Variants in JAK2 observed in about 807,000 individuals in gnomAD.
The protein encoded by JAK2 is tyrosine-protein kinase JAK2.
JAK2 carries 86 observed loss-of-function variants against 139.3 expected under a neutral mutation model. The ratio of observed to expected loss-of-function variants is 0.62; its 90% CI spans 0.52 to 0.74. The LOEUF is 0.74. Ranked by LOEUF, JAK2 falls within the 30% of genes least tolerant of loss-of-function variation. JAK2 has a pLI of 0.00. For synonymous variants in JAK2, 490 were observed against 437.7 expected (o/e 1.12, Z -1.49); for missense variants, 1,421 against 1,360.3 (o/e 1.04, Z -0.70).
intron 2 of JAK2, among the ~76,000 whole-genome samples, chr9:4,991,858 G>T (rs1247872617): frequency 6.6e-6 from 1 of 151,962 alleles, no homozygotes. Context: ...GCCTTCAAGG[G>T]CTTTACCATT....
chr9:4,989,757 T>C (rs1171891600), intron 2 of JAK2, among the ~76,000 whole-genome samples: 2 of 152,178 alleles, frequency 1.3e-5, no homozygotes, highest in African/African-American at 4.8e-5. Flanking sequence ...AGGCAAAATA[T>C]GTATATATGT....
rs145897415 is a variant in JAK2 at position 4,990,416 on chromosome 9, G to A, written c.-26+4394G>A. Among the ~76,000 whole-genome samples the A allele has an allele frequency of 4.2e-3, 647 of 152,298 alleles. 4 individuals carry two copies. The highest frequency in any genetic ancestry group is 0.015 in the African/African-American group (618 of 41,558). On this transcript the variant is annotated intron_variant, in intron 2 of 24. Transcript: ENST00000381652. ...GTAGAGGGGATGTAGACAGTTGAGC[G>A]TATATTGTGGATATGTTGAGTTTGC... is the stretch of plus-strand genomic sequence containing the variant.
intron 3 of JAK2, among the ~76,000 whole-genome samples, chr9:5,026,059 C>T (rs1347111301): frequency 6.6e-6 from 1 of 152,128 alleles, no homozygotes; most frequent in Non-Finnish European, 1.5e-5. Flanking sequence ...AAAGAATCAT[C>T]TTTTATTTTG....
At chr9:5,109,017 T>G (rs1456747925) in intron 22 of JAK2, 2 of 152,116 alleles carry the variant, frequency 1.3e-5, no homozygotes, top group Non-Finnish European at 2.9e-5. Flanking sequence ...ATCTCACTAA[T>G]CTTGCCTTAC....
At chr9:5,107,264 C>T (rs1306674110) in intron 22 of JAK2, among the ~76,000 whole-genome samples, 1 of 152,040 alleles carries the variant, frequency 6.6e-6, no homozygotes, top group African/African-American at 2.4e-5. Context: ...ACCTTACTGG[C>T]CCTACTACTA....
chr9:5,042,526 A>C (rs62541544), intron 4 of JAK2, among the ~76,000 whole-genome samples: 1 of 152,192 alleles, frequency 6.6e-6, no homozygotes, highest in African/African-American at 2.4e-5. Context: ...AAAAAAAGAA[A>C]GGCCCCCTCC....
At chr9:5,083,053 A>C (rs1819824013) in intron 19 of JAK2, among the ~76,000 whole-genome samples, 1 of 152,246 alleles carries the variant, frequency 6.6e-6, no homozygotes, top group Non-Finnish European at 1.5e-5. Flanking sequence ...CATCTTCAAG[A>C]GGAAGATGAA....
chr9:5,122,895 C>G, intron 22 of JAK2, 109 bp from the exon 23 acceptor site: 2 of 677,388 alleles, frequency 3.0e-6, no homozygotes, highest in Non-Finnish European at 4.8e-6. Context: ...GCTGTGATAA[C>G]TCTTTTCTCT....
chr9:5,068,929 G>A (rs956076794), intron 10 of JAK2, 93 bp from the exon 11 acceptor site: 60 of 711,964 alleles, frequency 8.4e-5, no homozygotes, highest in Non-Finnish European at 1.2e-4. Flanking sequence ...TGTTTATTCT[G>A]TTGCTTGTTC....
chr9:5,030,861 T>A (rs1823099478), intron 4 of JAK2, among the ~76,000 whole-genome samples: 1 of 152,090 alleles, frequency 6.6e-6, no homozygotes, highest in Non-Finnish European at 1.5e-5. Flanking sequence ...AAATATTTTT[T>A]ATATAATTAT....
intron 15 of JAK2, among the ~76,000 whole-genome samples, 171 bp downstream of exon 15, chr9:5,077,751 T>C (rs1819405244): frequency 6.6e-6 from 1 of 152,232 alleles, no homozygotes; most frequent in Non-Finnish European, 1.5e-5. Context: ...TTTATGTATG[T>C]AAAATCACTT....
chr9:5,009,757 T>A lies in JAK2; in HGVS notation c.-25-12206T>A, dbSNP rs571478215. On this transcript the variant is annotated intron_variant, in intron 2 of 24. Coordinates refer to ENST00000381652, the MANE Select transcript of JAK2 (RefSeq NM_004972.4). The stretch of plus-strand genomic sequence containing the variant: ...CTTATAGATGCCTTCCTCTGTGTAT[T>A]TTTTTTCTTCAGTTAAAATTTTTTT... Among the ~76,000 whole-genome samples, 3 of 152,194 alleles carry A rather than the reference T, an allele frequency of 2.0e-5. No homozygotes were observed. The East Asian group carries it at 5.8e-4, about 29-fold the overall frequency.
At chr9:5,038,348 C>T (rs920177229) in intron 4 of JAK2, among the ~76,000 whole-genome samples, 1 of 152,064 alleles carries the variant, frequency 6.6e-6, no homozygotes, top group South Asian at 2.1e-4. Flanking sequence ...TGAATTCTAT[C>T]ACACATTAAA....
rs140829976 is a variant in JAK2 at position 5,104,126 on chromosome 9, C to G, written c.3059+13215C>G. 5.1e-3 allele frequency among the ~76,000 whole-genome samples: 782 copies of G among 152,132 alleles called. 5 individuals carry two copies. The highest frequency in any genetic ancestry group is 0.016 in the African/African-American group (674 of 41,500). ...TTCAAAAAATCAATGAATCCAGGAG[C>G]TGGTTTTTCAAAAAGATCAACAAAA... On this transcript the variant is annotated intron_variant, in intron 22 of 24. Transcript: ENST00000381652.
intron 10 of JAK2, among the ~76,000 whole-genome samples, chr9:5,068,569 T>C (rs1818728007): frequency 6.6e-6 from 1 of 152,188 alleles, no homozygotes; most frequent in Admixed American, 6.5e-5. Context: ...CATGAAGAAT[T>C]ATCAAGGCAT....
At chr9:5,078,468 T>A (rs756574945) in intron 16 of JAK2, 24 bp downstream of exon 16, 1 of 1,587,044 alleles carries the variant, frequency 6.3e-7, no homozygotes, top group South Asian at 1.1e-5. Flanking sequence ...GGATTATATA[T>A]AATGTTACTA....
At chr9:4,984,740 G>A (rs1819840064), upstream of JAK2, 1 of 152,382 alleles carries the variant, frequency 6.6e-6, no homozygotes, top group African/African-American at 2.4e-5. Context: ...CTCCAGTGCA[G>A]GCTGCGCGCT....
At chr9:5,096,939 A>G (rs1050146935) in intron 22 of JAK2, 1 of 152,108 alleles carries the variant, frequency 6.6e-6, no homozygotes, top group Non-Finnish European at 1.5e-5. Flanking sequence ...TGCCCCTGAT[A>G]TGGCATTTCC....
At chr9:5,035,258 A>G (rs1420453254) in intron 4 of JAK2, among the ~76,000 whole-genome samples, 2 of 152,258 alleles carry the variant, frequency 1.3e-5, no homozygotes, top group African/African-American at 4.8e-5. Context: ...ACCAACCAAA[A>G]AAAGTCCAGG....
Sources: allele counts gnomAD v4.1 joint callset (sites outside exome capture counted in the v4.1 genomes callset), GRCh38; gene constraint gnomAD v4.1.1; transcripts MANE v1.5; gene names NCBI Gene and HGNC (gene_info 2026-07-23, HGNC 2026-07-21).